UBE2D1: variants seen among roughly 807,000 people sequenced by gnomAD.
UBE2D1 encodes the protein ubiquitin conjugating enzyme E2 D1.
In UBE2D1, 9 loss-of-function variants were observed where a neutral mutation model predicts 24.6. That is an observed-to-expected ratio of 0.37 (90% CI 0.22 to 0.64). UBE2D1 has a LOEUF of 0.64. Ranked by LOEUF, UBE2D1 falls within the 30% of genes least tolerant of loss-of-function variation. The pLI is 0.64. For synonymous variants in UBE2D1, 57 were observed against 57.6 expected (o/e 0.99, Z 0.04); for missense variants, 87 against 177.1 (o/e 0.49, Z 2.89).
intron 6 of UBE2D1, 97 bp downstream of exon 6, chr10:58,368,113 T>TG (rs1422502705): frequency 1.3e-5 from 11 of 864,882 alleles, no homozygotes; most frequent in Non-Finnish European, 1.8e-5. Flanking sequence ...AATTTGATTA[T>TG]GGTTGTTATA....
At chr10:58,359,013 T>TAAAAAA (rs35713196) in intron 1 of UBE2D1, among the ~76,000 whole-genome samples, 2 of 115,168 alleles carry the variant, frequency 1.7e-5, no homozygotes, top group African/African-American at 3.4e-5. Flanking sequence ...ACCAGCTATT[T>TAAAAAA]AAAAAAAAAA....
intron 1 of UBE2D1, 149 bp from the exon 2 acceptor site, chr10:58,361,189 C>T (rs1840193479): frequency 9.2e-6 from 7 of 760,688 alleles, no homozygotes; most frequent in South Asian, 1.8e-5. Flanking sequence ...TTCTACCAGT[C>T]AATGACAGAG....
rs1223939448 is a variant in UBE2D1, at chr10:58,367,807, AT to A, written c.305-112del. On this transcript the variant is annotated intron_variant, in intron 5 of 6. Transcript: ENST00000373910. ...GAATAAAATATAATTTGATGTGTTC[AT>A]TTTATGTTTTTTTTATAAGTACAGT... The A allele has an allele frequency of 1.9e-5, 10 of 514,436 alleles. No homozygotes were observed. The Admixed American group carries it at 2.9e-4, about 15-fold the overall frequency. 31.9% of individuals were successfully genotyped at this position (514,436 alleles called of 1,614,324 possible). A position where few individuals can be genotyped will look rare whatever the true frequency, so the allele number is the denominator to read the frequency against.
chr10:58,356,329 A>G (rs1840130923), intron 1 of UBE2D1, among the ~76,000 whole-genome samples: 1 of 152,236 alleles, frequency 6.6e-6, no homozygotes, highest in African/African-American at 2.4e-5. Flanking sequence ...TGAGATCATA[A>G]TGGGCATACT....
chr10:58,361,659 A>G, intron 3 of UBE2D1, 133 bp downstream of exon 3: 1 of 1,194,088 alleles, frequency 8.4e-7, no homozygotes. Flanking sequence ...GCAAAATATT[A>G]TTAAGGATTT....
At chr10:58,343,646 C>T (rs1048480648) in intron 1 of UBE2D1, among the ~76,000 whole-genome samples, 1 of 152,108 alleles carries the variant, frequency 6.6e-6, no homozygotes, top group East Asian at 1.9e-4. Context: ...GCCTTGGAAA[C>T]GTTTGCATTT....
chr10:58,339,312 G>A (rs1839936970), intron 1 of UBE2D1, among the ~76,000 whole-genome samples: 1 of 152,068 alleles, frequency 6.6e-6, no homozygotes, highest in African/African-American at 2.4e-5. Flanking sequence ...CACCATGTTG[G>A]CCAGGCTAGT....
chr10:58,365,837 T>C (rs1840249584), intron 5 of UBE2D1, among the ~76,000 whole-genome samples: 1 of 152,218 alleles, frequency 6.6e-6, no homozygotes, highest in African/African-American at 2.4e-5. Flanking sequence ...TCTGTACTCA[T>C]TTTTTATTTT....
chr10:58,359,013 TAAAAAAAAAAAA>T (rs35713196), intron 1 of UBE2D1, among the ~76,000 whole-genome samples: 2 of 115,168 alleles, frequency 1.7e-5, no homozygotes, highest in Non-Finnish European at 3.5e-5. Context: ...ACCAGCTATT[TAAAAAAAAAAAA>T]AAAAAAAGCA....
intron 1 of UBE2D1, among the ~76,000 whole-genome samples, chr10:58,343,692 A>G (rs538117848): frequency 6.6e-6 from 1 of 152,350 alleles, no homozygotes; most frequent in Non-Finnish European, 1.5e-5. Flanking sequence ...TTCTACAAGT[A>G]GCAGCATTTT....
Position 58,368,536 on chromosome 10 carries a change from A to G in UBE2D1, c.399-184A>G, listed in dbSNP as rs1840281547. 3 of 378,440 alleles carry G rather than the reference A, an allele frequency of 7.9e-6. No homozygotes were observed. The East Asian group carries it at 1.2e-4, about 15-fold the overall frequency. The allele number at this position is 378,440 out of a possible 1,614,324, so 23.4% of individuals were successfully genotyped here. ...CATATAGGTTGCAGAGAAATCCATG[A>G]GTTAAAAAATTATTTTTCCTGTTTT... On this transcript the variant is annotated intron_variant, in intron 6 of 6. Transcript: ENST00000373910.
intron 1 of UBE2D1, among the ~76,000 whole-genome samples, chr10:58,347,462 C>G (rs1840028881): frequency 6.6e-6 from 1 of 152,126 alleles, no homozygotes; most frequent in Admixed American, 6.5e-5. Context: ...AGAGTGTGAT[C>G]AAGAGTCCGC....
chr10:58,363,432 T>TA (rs760219080), intron 3 of UBE2D1, among the ~76,000 whole-genome samples, 177 bp from the exon 4 acceptor site: 3 of 152,176 alleles, frequency 2.0e-5, no homozygotes, highest in Non-Finnish European at 2.9e-5. Context: ...GTTCTCAAAG[T>TA]AAATGATTTG....
intron 1 of UBE2D1, among the ~76,000 whole-genome samples, chr10:58,342,851 A>T (rs753705325): frequency 1.8e-4 from 24 of 131,216 alleles, no homozygotes; most frequent in Non-Finnish European, 2.4e-4. Flanking sequence ...TTTTTTTGAG[A>T]TGAAGTTTGC....
At chr10:58,353,322 A>C (rs1840097456) in intron 1 of UBE2D1, among the ~76,000 whole-genome samples, 1 of 152,208 alleles carries the variant, frequency 6.6e-6, no homozygotes, top group African/African-American at 2.4e-5. Context: ...GGTTAAGTTA[A>C]CCATGGAATA....
chr10:58,352,520 G>A (rs948652001), intron 1 of UBE2D1, among the ~76,000 whole-genome samples: 2 of 152,006 alleles, frequency 1.3e-5, no homozygotes, highest in East Asian at 3.9e-4. Flanking sequence ...AGGGTAGGGC[G>A]GGAGGATTGC....
intron 1 of UBE2D1, among the ~76,000 whole-genome samples, chr10:58,360,653 G>A (rs942032507): frequency 3.9e-5 from 6 of 152,154 alleles, no homozygotes; most frequent in Admixed American, 3.9e-4. Context: ...GGGTGCAGTG[G>A]CTCATGCCTG....
chr10:58,335,198 A>G lies in UBE2D1; in HGVS notation c.-4A>G. 1 of 1,548,380 alleles carries G rather than the reference A, an allele frequency of 6.5e-7. No homozygotes were observed. Among genetic ancestry groups the G allele is most frequent in the South Asian group, 1.2e-5 (1 of 84,436 alleles). ...GCCGGTGTCCCCACCGCCATCCCTG[A>G]CCCATGGCGCTGAAGAGGATTCAGA... is the stretch of plus-strand genomic sequence containing the variant. On this transcript the variant is annotated 5_prime_UTR_variant, in exon 1 of 7. Coordinates refer to ENST00000373910, the MANE Select transcript of UBE2D1 (RefSeq NM_003338.5).
intron 1 of UBE2D1, among the ~76,000 whole-genome samples, chr10:58,356,541 A>T (rs1840133238): frequency 6.6e-6 from 1 of 152,156 alleles, no homozygotes; most frequent in Non-Finnish European, 1.5e-5. Context: ...ATGCTGCAGT[A>T]AATATCCTTA....
Sources: gnomAD v4.1 joint callset for allele counts (sites outside exome capture counted in the v4.1 genomes callset) on GRCh38, gnomAD v4.1.1 for gene constraint, MANE v1.5 for transcripts, NCBI Gene and HGNC (gene_info 2026-07-23, HGNC 2026-07-21) for gene names.